Variants in DLGAP4 observed in about 807,000 individuals in gnomAD.
DLGAP4 encodes the protein disks large-associated protein 4.
DLGAP4 carries 18 observed loss-of-function variants against 86.9 expected under a neutral mutation model. That is an observed-to-expected ratio of 0.21 (90% confidence interval 0.14 to 0.31). The LOEUF is 0.31. Ranked by LOEUF, DLGAP4 falls within the 10% of genes least tolerant of loss-of-function variation. DLGAP4 has a pLI of 1.00. For missense variants in DLGAP4, 1,085 were observed against 1,362.6 expected (o/e 0.80, Z 3.21); for synonymous variants, 548 against 574.3 (o/e 0.95, Z 0.65).
intron 1 of DLGAP4, among the ~76,000 whole-genome samples, chr20:36,366,794 G>C (rs2030702910): frequency 6.6e-6 from 1 of 152,222 alleles, no homozygotes; most frequent in African/African-American, 2.4e-5. Context: ...TGGGGATTCT[G>C]TGGGTGGTGG....
intron 10 of DLGAP4, among the ~76,000 whole-genome samples, chr20:36,504,104 T>C (rs1379315056): frequency 2.0e-5 from 3 of 152,088 alleles, no homozygotes; most frequent in African/African-American, 7.3e-5. Context: ...ATATATAACA[T>C]AAAGTTTACC....
rs553222043 is a variant in DLGAP4, at chr20:36,447,051, G to A, written c.1648+114G>A. 44 of 1,456,212 alleles carry A rather than the reference G, an allele frequency of 3.0e-5. 1 individual carries two copies. The East Asian group carries it at 6.8e-4, about 22-fold the overall frequency. The allele number at this position is 1,456,212 out of a possible 1,614,324, so 90.2% of individuals were successfully genotyped here. On this transcript the variant is annotated intron_variant, in intron 7 of 12. Coordinates refer to ENST00000339266, the MANE Select transcript of DLGAP4 (RefSeq NM_001365621.2). ...GGAGGAATCTGTCTCAGGCTGGCCC[G>A]CACCAGGGGGATGGTTGGGAGCAAA...
intron 7 of DLGAP4, among the ~76,000 whole-genome samples, chr20:36,451,808 T>A (rs570144667): frequency 2.6e-5 from 4 of 151,396 alleles, no homozygotes; most frequent in South Asian, 2.1e-4. Flanking sequence ...TTGCCCAGGC[T>A]GGAGTGCAAT....
rs1172648348 is a variant in DLGAP4, at chr20:36,500,808, G to A, written c.2512+197G>A. Among the ~76,000 whole-genome samples, 1 of 152,084 alleles carries A rather than the reference G, an allele frequency of 6.6e-6. No individual in the cohort carries two copies. Among genetic ancestry groups the A allele is most frequent in the Non-Finnish European group, 1.5e-5 (1 of 68,014 alleles). ...TTTAACCAAACCTCTTTCCAGAAAG[G>A]GTTGCTGGTGATAGCTGTTTGTTGT... On this transcript the variant is annotated intron_variant, in intron 10 of 12. Transcript: ENST00000339266. This position sits in a 1 kb window ranked among gnomAD's most constrained non-coding sequence, Gnocchi z 4.6.
At chr20:36,510,345 C>A (rs1447867878) in intron 10 of DLGAP4, among the ~76,000 whole-genome samples, 1 of 152,006 alleles carries the variant, frequency 6.6e-6, no homozygotes, top group Non-Finnish European at 1.5e-5. Context: ...CTCACTGCAA[C>A]CTCTGCTTCC....
At chr20:36,482,327 G>C (rs2035223753) in intron 7 of DLGAP4, among the ~76,000 whole-genome samples, 1 of 152,202 alleles carries the variant, frequency 6.6e-6, no homozygotes, top group Admixed American at 6.5e-5. Context: ...GCCTATGACA[G>C]TTGGTGAAAG....
rs1411631071 is a variant in DLGAP4 at position 36,432,286 on chromosome 20, C to A, written c.569C>A (p.Ala190Asp). ...RRAKSKERAKAGEPKRRSRSN... is the reference protein window; with the variant it reads ...RRAKSKERAKDGEPKRRSRSN... ...GCCAAAAGCAAGGAGCGGGCCAAGG[C>A]TGGGGAGCCCAAACGGCGCAGCCGC... Residue 190 changes from alanine (A) to aspartate (D), a missense_variant, in exon 3 of 13, where the codon GCT (alanine) becomes GAT (aspartate). Ala to Asp is a moderately radical substitution (Grantham distance 126, BLOSUM62 -2). Around this residue, in one of 2 missense-constraint regions of DLGAP4, gnomAD observed 1,082 missense variants for 1,344.1 expected, o/e 0.81. Coordinates refer to ENST00000339266, the MANE Select transcript of DLGAP4 (RefSeq NM_001365621.2). This position sits in a 1 kb window ranked among gnomAD's most constrained non-coding sequence, Gnocchi z 6.5. The A allele has an allele frequency of 6.2e-7, 1 of 1,613,758 alleles. No homozygotes were observed. Among genetic ancestry groups the A allele is most frequent in the African/African-American group, 1.3e-5 (1 of 75,082 alleles).
rs555027714 is a variant in DLGAP4, at chr20:36,410,977, T to TTTTTG, written c.-72-20644_-72-20640dup. 7.2e-3 allele frequency among the ~76,000 whole-genome samples: 1,095 copies of TTTTTG among 152,042 alleles called. 14 individuals carry two copies. Among genetic ancestry groups the TTTTTG allele is most frequent in the African/African-American group, 0.025 (1,034 of 41,446 alleles). ...CACCTCCCAAATAGATTCAAATTCTTTTTTGTTTTGTTTTGTTTTGTTTTG... is the reference window on the plus strand; with the variant it reads ...CACCTCCCAAATAGATTCAAATTCTTTTTTGTTTTGTTTTGTTTTGTTTTGTTTTG... On this transcript the variant is annotated intron_variant, in intron 2 of 12. Transcript: ENST00000339266.
At chr20:36,426,375 C>T (rs962856136) in intron 2 of DLGAP4, among the ~76,000 whole-genome samples, 5 of 152,042 alleles carry the variant, frequency 3.3e-5, no homozygotes, top group African/African-American at 1.2e-4. Flanking sequence ...ATTAGCTGGG[C>T]ATGGTGGCAT....
chr20:36,503,730 C>G (rs6014182), intron 10 of DLGAP4, among the ~76,000 whole-genome samples: 1 of 152,010 alleles, frequency 6.6e-6, no homozygotes, highest in African/African-American at 2.4e-5. Context: ...CCTCATGATC[C>G]GCCCACCTCA....
chr20:36,456,507 A>T (rs1216236785), intron 7 of DLGAP4, among the ~76,000 whole-genome samples: 1 of 152,208 alleles, frequency 6.6e-6, no homozygotes, highest in Non-Finnish European at 1.5e-5. Context: ...GGGTCAGAGA[A>T]TAATGGGAGG....
In DLGAP4 at chr20:36,436,170, C is replaced by A; in HGVS notation, c.1061C>A (p.Ala354Glu). Residue 354 changes from alanine (A) to glutamate (E), a missense_variant, in exon 4 of 13, where the codon GCG (alanine) becomes GAG (glutamate). Ala to Glu is a moderately radical substitution (Grantham distance 107). Transcript: ENST00000339266. ...TLLSPRETDA[A>E]AEGPIPCRRM... The stretch of plus-strand genomic sequence containing the variant: ...CTGTCCCCACGCGAGACGGATGCCG[C>A]GGCCGAGGGCCCTATCCCGTGCCGG... The A allele has an allele frequency of 6.3e-7, 1 of 1,597,348 alleles. No homozygotes were observed.
intron 8 of DLGAP4, chr20:36,498,829 G>C (rs1197123416): frequency 6.1e-6 from 1 of 165,024 alleles, no homozygotes; most frequent in Non-Finnish European, 1.3e-5. Flanking sequence ...CGGGACCTTT[G>C]TCCCAGAGAA....
chr20:36,460,287 C>T (rs1044199256), intron 7 of DLGAP4, among the ~76,000 whole-genome samples: 2 of 152,146 alleles, frequency 1.3e-5, no homozygotes, highest in Non-Finnish European at 2.9e-5. Flanking sequence ...GCAACAGAGA[C>T]CTTGTCGCTA....
chr20:36,494,568 C>A (rs993160050), intron 7 of DLGAP4, among the ~76,000 whole-genome samples: 1 of 152,202 alleles, frequency 6.6e-6, no homozygotes, highest in Non-Finnish European at 1.5e-5. Flanking sequence ...TCGACAGATA[C>A]AATCCACCCA....
chr20:36,479,142 A>T (rs1172234596), intron 7 of DLGAP4, among the ~76,000 whole-genome samples: 1 of 152,174 alleles, frequency 6.6e-6, no homozygotes, highest in Non-Finnish European at 1.5e-5. Context: ...TTTCAGAGGT[A>T]GTTGAGAGGA....
rs531117157 is a variant in DLGAP4 at position 36,446,770 on chromosome 20, C to T, written c.1481C>T (p.Ala494Val). Residue 494 changes from alanine (A) to valine (V), a missense_variant, in exon 7 of 13, where the codon GCG becomes GTG. Physicochemically the swap from Ala to Val is moderately conservative, Grantham distance 64. Transcript: ENST00000339266. ...GCCTGCAGTGAAGCGGAGTCCACAG[C>T]GGCAGAGACGCTTGACTTGCCACTG... ...ESACSEAEST[A>V]AETLDLPLPS... 41 of 1,612,862 alleles carry T rather than the reference C, an allele frequency of 2.5e-5. No individual in the cohort carries two copies. Among genetic ancestry groups the T allele is most frequent in the East Asian group, 4.5e-5 (2 of 44,860 alleles).
intron 7 of DLGAP4, among the ~76,000 whole-genome samples, chr20:36,450,628 A>C (rs918625631): frequency 7.2e-5 from 11 of 152,140 alleles, no homozygotes; most frequent in Non-Finnish European, 1.5e-4. Context: ...CAATCATGAG[A>C]TTGGATCAGA....
intron 7 of DLGAP4, among the ~76,000 whole-genome samples, chr20:36,468,881 G>A (rs529040675): frequency 1.3e-5 from 2 of 152,318 alleles, no homozygotes; most frequent in South Asian, 4.1e-4. Flanking sequence ...TTCATTTGAT[G>A]ACCATCTGGA....
Sources: allele counts gnomAD v4.1 joint callset (sites outside exome capture counted in the v4.1 genomes callset), GRCh38; gene constraint gnomAD v4.1.1; regional missense constraint gnomAD v4.1.1; non-coding constraint Gnocchi (gnomAD v3.1); transcripts MANE v1.5; gene names NCBI Gene and HGNC (gene_info 2026-07-23, HGNC 2026-07-21).